ELL: variants seen among roughly 807,000 people sequenced by gnomAD.
ELL encodes the protein elongation factor for RNA polymerase II.
In ELL, 18 loss-of-function variants were observed where a neutral mutation model predicts 64.0. The observed-to-expected ratio is 0.28, with a 90% CI of 0.19 to 0.42. The LOEUF is 0.42. Among genes scored for constraint, ELL ranks in the 10% least tolerant of loss-of-function variants. ELL has a pLI of 1.00. For missense variants in ELL, 797 were observed against 870.4 expected (o/e 0.92, Z 1.06); for synonymous variants, 399 against 376.2 (o/e 1.06, Z -0.70).
chr19:18,477,582 C>T (rs567966707), intron 1 of ELL, among the ~76,000 whole-genome samples: 3 of 152,302 alleles, frequency 2.0e-5, no homozygotes, highest in East Asian at 1.9e-4. Context: ...CGACACTGCA[C>T]ATCAGGAGCC....
At chr19:18,468,289 A>C (rs1309494068) in intron 2 of ELL, among the ~76,000 whole-genome samples, 2 of 151,974 alleles carry the variant, frequency 1.3e-5, no homozygotes, top group South Asian at 4.2e-4. Context: ...ACACACAAAC[A>C]ACCACACACG....
chr19:18,452,557 G>T (rs1249133274), intron 6 of ELL, among the ~76,000 whole-genome samples: 1 of 152,258 alleles, frequency 6.6e-6, no homozygotes, highest in Non-Finnish European at 1.5e-5. Context: ...CATGAGTGGT[G>T]ACTGCTGCAG....
intron 2 of ELL, among the ~76,000 whole-genome samples, chr19:18,469,266 G>A (rs902118753): frequency 5.9e-5 from 9 of 152,172 alleles, no homozygotes. Flanking sequence ...AGACACCGAG[G>A]TTCTCACAGG....
At chr19:18,485,512 C>A (rs1160201675) in intron 1 of ELL, among the ~76,000 whole-genome samples, 1 of 152,190 alleles carries the variant, frequency 6.6e-6, no homozygotes, top group African/African-American at 2.4e-5. Context: ...CTATGGGAGC[C>A]CATCTCCTCC....
intron 5 of ELL, among the ~76,000 whole-genome samples, 155 bp from the exon 6 acceptor site, chr19:18,458,484 C>G (rs1049569046): frequency 6.6e-6 from 1 of 152,034 alleles, no homozygotes; most frequent in African/African-American, 2.4e-5. Flanking sequence ...ACTACCGATC[C>G]GTGATGTCTC....
intron 4 of ELL, 38 bp downstream of exon 4, chr19:18,465,374 C>G (rs1600450551): frequency 6.5e-7 from 1 of 1,549,218 alleles, no homozygotes; most frequent in Non-Finnish European, 8.7e-7. Flanking sequence ...CTGGCAGCTG[C>G]CCGGCTGCCC....
intron 8 of ELL, among the ~76,000 whole-genome samples, chr19:18,447,504 A>C (rs1295769109): frequency 6.6e-6 from 1 of 152,264 alleles, no homozygotes; most frequent in Non-Finnish European, 1.5e-5. Context: ...GATGACGCTC[A>C]GCCCTTCGCC....
At chr19:18,447,374 A>C (rs1476077946) in intron 8 of ELL, among the ~76,000 whole-genome samples, 2 of 152,248 alleles carry the variant, frequency 1.3e-5, no homozygotes, top group South Asian at 4.1e-4. Context: ...CCCCACCCAG[A>C]TCATCCCGTC....
At chr19:18,516,046 G>A (rs1486972917) in intron 1 of ELL, among the ~76,000 whole-genome samples, 1 of 152,160 alleles carries the variant, frequency 6.6e-6, no homozygotes, top group Non-Finnish European at 1.5e-5. Context: ...AAGCAGGCAG[G>A]GCTGGCAAGA....
At position 18,444,782 on chromosome 19, in the gene ELL, G is replaced by A. The variant is rs555365724; in HGVS notation, c.1836C>T (p.Tyr612=). 24 of 1,608,522 alleles carry A rather than the reference G, an allele frequency of 1.5e-5. No homozygotes were observed. Among genetic ancestry groups the A allele is most frequent in the East Asian group, 2.2e-5 (1 of 44,866 alleles). ...GCCAAGCCTGCAGCTGCCGCTGGTCGTACTCGGCGATGAGCCTCTTGATGT... is the reference window on the plus strand; with the variant it reads ...GCCAAGCCTGCAGCTGCCGCTGGTCATACTCGGCGATGAGCCTCTTGATGT... ...LAHIKRLIAE[Y]DQRQLQAWP The change falls in exon 12 of 12, where the codon TAC becomes TAT. Residue 612 remains tyrosine, a synonymous_variant. Transcript: ENST00000262809.
intron 1 of ELL, among the ~76,000 whole-genome samples, chr19:18,490,255 G>C (rs1048255632): frequency 1.5e-5 from 2 of 129,090 alleles, no homozygotes; most frequent in African/African-American, 2.8e-5. Flanking sequence ...CAACACACTT[G>C]CTTCTTGAAC....
chr19:18,447,045 T>C (rs1316571044), intron 8 of ELL, among the ~76,000 whole-genome samples: 1 of 152,184 alleles, frequency 6.6e-6, no homozygotes, highest in Non-Finnish European at 1.5e-5. Flanking sequence ...GAGCTCAGCG[T>C]GCACCTGCGT....
intron 7 of ELL, 134 bp downstream of exon 7, chr19:18,451,418 G>C: frequency 1.2e-6 from 1 of 832,990 alleles, no homozygotes; most frequent in Non-Finnish European, 1.7e-6. Context: ...TTGGTCCCTG[G>C]GCGGAGGGAG....
intron 7 of ELL, 64 bp from the exon 8 acceptor site, chr19:18,451,039 C>T (rs890556204): frequency 3.4e-6 from 5 of 1,455,244 alleles, no homozygotes. Flanking sequence ...ACAGGCAATC[C>T]CCTGGCCTGG....
chr19:18,496,894 C>G (rs527299583), intron 1 of ELL, among the ~76,000 whole-genome samples: 9 of 152,236 alleles, frequency 5.9e-5, no homozygotes, highest in Non-Finnish European at 1.2e-4. Flanking sequence ...AAACTCAGAA[C>G]AGACAGCACC....
chr19:18,446,919 G>T, intron 8 of ELL, 105 bp from the exon 9 acceptor site: 2 of 1,166,266 alleles, frequency 1.7e-6, no homozygotes, highest in South Asian at 1.3e-5. Flanking sequence ...TTTGCTGCTG[G>T]AGGGACATAG....
intron 2 of ELL, among the ~76,000 whole-genome samples, chr19:18,468,024 C>T (rs1192902973): frequency 6.9e-6 from 1 of 145,456 alleles, no homozygotes; most frequent in African/African-American, 2.5e-5. Context: ...ACACACACAA[C>T]CCACACATGC....
intron 2 of ELL, among the ~76,000 whole-genome samples, chr19:18,469,379 G>A (rs762887792): frequency 5.3e-5 from 8 of 152,224 alleles, no homozygotes; most frequent in Admixed American, 2.0e-4. Context: ...GGAAGCCAGC[G>A]GGATGGGAGC....
chr19:18,446,654 G>C, intron 9 of ELL, 94 bp downstream of exon 9: 1 of 1,534,410 alleles, frequency 6.5e-7, no homozygotes. Context: ...CAGACTTGCA[G>C]TGGCTTCTAC....
Sources: gnomAD v4.1 joint callset for allele counts (sites outside exome capture counted in the v4.1 genomes callset) on GRCh38, gnomAD v4.1.1 for gene constraint, MANE v1.5 for transcripts, NCBI Gene and HGNC (gene_info 2026-07-23, HGNC 2026-07-21) for gene names.